Variants in PCDH9 observed in about 807,000 individuals in gnomAD.
The protein encoded by PCDH9 is protocadherin 9.
Under a neutral mutation model 70.6 loss-of-function variants are expected in PCDH9, and 24 were observed. That is an observed-to-expected ratio of 0.34 (90% CI 0.25 to 0.48). The LOEUF (loss-of-function observed/expected upper bound fraction) is 0.48. Ranked by LOEUF, PCDH9 falls within the 20% of genes least tolerant of loss-of-function variation. The pLI, the probability that PCDH9 is intolerant of heterozygous loss-of-function variation, is 0.99. For missense variants in PCDH9, 1,281 were observed against 1,503.6 expected, an observed-to-expected ratio of 0.85 and a Z score of 2.45; for synonymous variants, 562 against 558.5, an observed-to-expected ratio of 1.01 and a Z score of -0.09.
In PCDH9 at chr13:66,840,870, G is replaced by T. The variant is rs372181151; in HGVS notation, c.3138+62634C>A. 1.1e-4 allele frequency among the ~76,000 whole-genome samples: 17 copies of T among 152,348 alleles called. No homozygotes were observed. In the East Asian group the frequency reaches 1.5e-3, roughly 14 times the overall value. ...GAAGGGAGGTGCAAGAACCAAGGGG[G>T]TGAAGCAGGCATCATAATGGTACAT... is the stretch of plus-strand genomic sequence containing the variant. On this transcript the variant is annotated intron_variant, in intron 3 of 4. Coordinates refer to ENST00000377865, the MANE Select transcript of PCDH9 (RefSeq NM_203487.3).
chr13:66,571,703 G>A (rs1342895489), intron 4 of PCDH9, among the ~76,000 whole-genome samples: 1 of 151,996 alleles, frequency 6.6e-6, no homozygotes, highest in East Asian at 1.9e-4. Context: ...TAAGTTGATT[G>A]TATATGCAAT....
chr13:66,662,639 A>G (rs1434856209), intron 3 of PCDH9, among the ~76,000 whole-genome samples: 2 of 152,208 alleles, frequency 1.3e-5, no homozygotes, highest in Non-Finnish European at 2.9e-5. Flanking sequence ...ACCGTCATAC[A>G]TGTTTGAAGA....
chr13:66,655,992 A>C (rs977505736), intron 3 of PCDH9, among the ~76,000 whole-genome samples: 5 of 152,200 alleles, frequency 3.3e-5, no homozygotes, highest in African/African-American at 1.2e-4. Context: ...AAGGTCTGCT[A>C]ACTTTTTAAT....
At chr13:66,860,716 C>A (rs2081468915) in intron 3 of PCDH9, among the ~76,000 whole-genome samples, 1 of 152,176 alleles carries the variant, frequency 6.6e-6, no homozygotes, top group African/African-American at 2.4e-5. Context: ...ATGGCACTGT[C>A]TTCTTCCTGC....
chr13:66,981,392 CGT>C (rs1566338301), intron 2 of PCDH9, among the ~76,000 whole-genome samples: 2 of 147,070 alleles, frequency 1.4e-5, no homozygotes, highest in Non-Finnish European at 3.0e-5. Context: ...GAGCCGAGAT[CGT>C]GCCACTGCAC....
chr13:66,612,611 G>A (rs1436384123), intron 4 of PCDH9, among the ~76,000 whole-genome samples: 1 of 152,108 alleles, frequency 6.6e-6, no homozygotes, highest in African/African-American at 2.4e-5. Flanking sequence ...TTGTTTATCT[G>A]AAATTTAAAT....
intron 4 of PCDH9, among the ~76,000 whole-genome samples, chr13:66,458,399 A>G (rs1380279669): frequency 6.6e-6 from 1 of 152,050 alleles, no homozygotes; most frequent in Non-Finnish European, 1.5e-5. Flanking sequence ...TCTGGTGCAA[A>G]TAAATCTATG....
chr13:66,481,516 T>C (rs1429252678), intron 4 of PCDH9, among the ~76,000 whole-genome samples: 2 of 152,196 alleles, frequency 1.3e-5, no homozygotes, highest in Admixed American at 6.5e-5. Context: ...GCACACTTAA[T>C]AGACTACAGT....
At chr13:66,409,400 C>A (rs73205687) in intron 4 of PCDH9, among the ~76,000 whole-genome samples, 8 of 151,888 alleles carry the variant, frequency 5.3e-5, no homozygotes, top group Admixed American at 6.6e-5. Context: ...GTTGTCCTCC[C>A]CCTTTTTTCC....
chr13:67,190,225 C>A (rs2088873261), intron 2 of PCDH9, among the ~76,000 whole-genome samples: 1 of 151,944 alleles, frequency 6.6e-6, no homozygotes, highest in East Asian at 1.9e-4. Flanking sequence ...ATACCCAGTT[C>A]ATCTTATTAT....
chr13:67,081,081 GA>G lies in PCDH9; in HGVS notation c.3036+144323del, dbSNP rs554382674. ...TATAAGAACTTTCCAATATAATTTTGAAAAAAAGATATCCATATGTATTGTT... is the reference window on the plus strand; with the variant it reads ...TATAAGAACTTTCCAATATAATTTTGAAAAAAGATATCCATATGTATTGTT... On this transcript the variant is annotated intron_variant, in intron 2 of 4. Coordinates refer to ENST00000377865, the MANE Select transcript of PCDH9 (RefSeq NM_203487.3). Among the ~76,000 whole-genome samples the G allele has an allele frequency of 1.1e-4, 16 of 152,034 alleles. No individual in the cohort carries two copies. In the South Asian group the frequency reaches 2.7e-3, roughly 26 times the overall value.
intron 3 of PCDH9, among the ~76,000 whole-genome samples, chr13:66,737,536 C>T (rs963530770): frequency 3.3e-5 from 5 of 152,156 alleles, no homozygotes; most frequent in Admixed American, 6.5e-5. Flanking sequence ...CAGCTCCCAG[C>T]GTGAGCGACG....
At chr13:66,494,315 T>C (rs913683170) in intron 4 of PCDH9, among the ~76,000 whole-genome samples, 1 of 152,114 alleles carries the variant, frequency 6.6e-6, no homozygotes, top group African/African-American at 2.4e-5. Flanking sequence ...TGCTAATCAT[T>C]GACAAGATAC....
rs547005614 is a variant in PCDH9, at chr13:66,973,298, A to T, written c.3037-69693T>A. On this transcript the variant is annotated intron_variant, in intron 2 of 4. Coordinates refer to ENST00000377865, the MANE Select transcript of PCDH9 (RefSeq NM_203487.3). ...TTGAAATAATGCTTTAGTCCTTCAG[A>T]AATCTAAAGGTTCACTTTTATTTTT... 2.6e-5 allele frequency among the ~76,000 whole-genome samples: 4 copies of T among 152,142 alleles called. No homozygotes were observed. In the East Asian group the frequency reaches 7.7e-4, roughly 29 times the overall value.
intron 3 of PCDH9, among the ~76,000 whole-genome samples, chr13:66,867,292 TG>T (rs1373615900): frequency 3.3e-5 from 5 of 152,168 alleles, no homozygotes; most frequent in Admixed American, 6.5e-5. Context: ...ATGTTCTCTC[TG>T]GTGATGTTTA....
chr13:67,157,619 C>A (rs79613974), intron 2 of PCDH9, among the ~76,000 whole-genome samples: 411 of 152,162 alleles, frequency 2.7e-3, no homozygotes, highest in Non-Finnish European at 4.4e-3. Context: ...TGAGTGATTT[C>A]TTTAATTGGA....
intron 3 of PCDH9, among the ~76,000 whole-genome samples, chr13:66,820,554 T>C (rs1285261433): frequency 1.3e-5 from 2 of 152,162 alleles, no homozygotes; most frequent in African/African-American, 2.4e-5. Context: ...CATGTGTGCA[T>C]TTGTTGCAGC....
At chr13:66,825,779 C>G (rs886937869) in intron 3 of PCDH9, among the ~76,000 whole-genome samples, 1 of 152,168 alleles carries the variant, frequency 6.6e-6, no homozygotes, top group African/African-American at 2.4e-5. Context: ...AACAACTACT[C>G]TACATGAATG....
intron 2 of PCDH9, among the ~76,000 whole-genome samples, chr13:67,189,507 T>C (rs1479868514): frequency 6.6e-6 from 1 of 152,086 alleles, no homozygotes; most frequent in East Asian, 1.9e-4. Context: ...TCACATGTGG[T>C]TAGTGACTAC....
Sources: allele counts gnomAD v4.1 joint callset (sites outside exome capture counted in the v4.1 genomes callset), GRCh38; gene constraint gnomAD v4.1.1; transcripts MANE v1.5; gene names NCBI Gene and HGNC (gene_info 2026-07-23, HGNC 2026-07-21).